Variants in HTRA1 observed in about 807,000 individuals in gnomAD.
The protein encoded by HTRA1 is serine protease HTRA1.
Under a neutral mutation model 49.7 loss-of-function variants are expected in HTRA1, and 26 were observed. The observed-to-expected ratio is 0.52, with a 90% CI of 0.38 to 0.73. HTRA1 has a LOEUF of 0.73. Among genes scored for constraint, HTRA1 ranks in the 30% least tolerant of loss-of-function variants. The probability of loss-of-function intolerance (pLI) is 0.00; values close to 1 mark genes in which losing one functional copy is unlikely to be tolerated. For missense variants in HTRA1, 561 were observed against 667.2 expected (o/e 0.84, Z 1.75); for synonymous variants, 291 against 286.9 (o/e 1.01, Z -0.14).
chr10:122,507,501 G>A (rs749106195), intron 5 of HTRA1, 99 bp downstream of exon 5: 98 of 951,868 alleles, frequency 1.0e-4, no homozygotes, highest in Non-Finnish European at 1.6e-4. Flanking sequence ...TGAGGCAGGG[G>A]GTCTTTTCAA....
intron 1 of HTRA1, among the ~76,000 whole-genome samples, chr10:122,468,525 G>A (rs1248297484): frequency 6.6e-6 from 1 of 151,950 alleles, no homozygotes; most frequent in Non-Finnish European, 1.5e-5. Flanking sequence ...GTGGGTGGGT[G>A]GGTTAGGAAA....
At chr10:122,507,312 A>G in intron 4 of HTRA1, 58 bp from the exon 5 acceptor site, 1 of 1,429,264 alleles carries the variant, frequency 7.0e-7, no homozygotes, top group Non-Finnish European at 9.9e-7. Context: ...AGGCAGGGAC[A>G]TAGATTGAAC....
Position 122,461,755 on chromosome 10 carries a change from G to T in HTRA1, c.103G>T (p.Ala35Ser), listed in dbSNP as rs1328219271. ...GGCCGGCCGCTCGGCGCCTTTGGCC[G>T]CCGGGTGCCCAGACCGCTGCGAGCC... ...SRAGRSAPLAAGCPDRCEPAR... is the reference protein window; with the variant it reads ...SRAGRSAPLASGCPDRCEPAR... Residue 35 changes from alanine to serine, a missense_variant, in exon 1 of 9, where the codon GCC (alanine) becomes TCC (serine). Transcript: ENST00000368984. 6.3e-6 allele frequency: 7 copies of T among 1,112,576 alleles called. No individual in the cohort carries two copies. The highest frequency in any genetic ancestry group is 7.7e-6 in the Non-Finnish European group (7 of 909,754). The allele number at this position is 1,112,576 out of a possible 1,614,324, so 68.9% of individuals were successfully genotyped here.
At position 122,494,824 on chromosome 10, in the gene HTRA1, A is replaced by G. The variant is rs2097497839; in HGVS notation, c.777+5198A>G. ...GACACCCCTGATCCTCATCAAGTTC[A>G]GACGGGGGTCACTGCGGGTGAGGGG... On this transcript the variant is annotated intron_variant, in intron 3 of 8. Coordinates refer to ENST00000368984, the MANE Select transcript of HTRA1 (RefSeq NM_002775.5). This position sits in a 1 kb window ranked among gnomAD's most constrained non-coding sequence, Gnocchi z 4.0. 6.6e-6 allele frequency among the ~76,000 whole-genome samples: 1 copy of G among 152,278 alleles called. No homozygotes were observed. The highest frequency in any genetic ancestry group is 2.4e-5 in the African/African-American group (1 of 41,562).
intron 1 of HTRA1, among the ~76,000 whole-genome samples, chr10:122,462,629 TG>T (rs904558016): frequency 6.6e-6 from 1 of 152,242 alleles, no homozygotes; most frequent in Non-Finnish European, 1.5e-5. Flanking sequence ...GTAACTCTTT[TG>T]GAAAGGAACA....
intron 3 of HTRA1, among the ~76,000 whole-genome samples, chr10:122,493,160 C>T (rs929894281): frequency 6.6e-6 from 1 of 152,148 alleles, no homozygotes; most frequent in African/African-American, 2.4e-5. Context: ...GAGACAATCA[C>T]GGACCAGCCC....
At chr10:122,511,696 G>A (rs139001824) in intron 7 of HTRA1, among the ~76,000 whole-genome samples, 3,906 of 150,106 alleles carry the variant, frequency 0.026, 58 homozygotes, top group Middle Eastern at 0.048. Context: ...TCGTACCACT[G>A]CACTCCAGCC....
intron 7 of HTRA1, among the ~76,000 whole-genome samples, chr10:122,511,561 G>A (rs1354590036): frequency 1.3e-5 from 2 of 151,952 alleles, no homozygotes; most frequent in Non-Finnish European, 2.9e-5. Context: ...GTGAAACCCT[G>A]TTTCTACTAA....
At chr10:122,474,501 C>T (rs891669183) in intron 1 of HTRA1, among the ~76,000 whole-genome samples, 3 of 152,158 alleles carry the variant, frequency 2.0e-5, no homozygotes, top group African/African-American at 4.8e-5. Flanking sequence ...AGACTCAACC[C>T]GGGTGGGCAC....
rs1591040280 is a variant in HTRA1 at position 122,507,013 on chromosome 10, G to A, written c.972+128G>A. On this transcript the variant is annotated intron_variant, in intron 4 of 8. Coordinates refer to ENST00000368984, the MANE Select transcript of HTRA1 (RefSeq NM_002775.5). ...AAGGGATGGAACTAGACCAAGCCAT[G>A]TGGATTCTAGTGCCAGCAGCATGGC... 1.4e-5 allele frequency: 12 copies of A among 835,662 alleles called. No individual in the cohort carries two copies. The East Asian group carries it at 3.2e-4, about 22-fold the overall frequency. 51.8% of individuals were successfully genotyped at this position (835,662 alleles called of 1,614,324 possible). A position where few individuals can be genotyped will look rare whatever the true frequency, so the allele number is the denominator to read the frequency against.
chr10:122,492,557 C>T (rs2097496366), intron 3 of HTRA1, among the ~76,000 whole-genome samples: 1 of 152,178 alleles, frequency 6.6e-6, no homozygotes. Context: ...TGGTCTCAAA[C>T]TCCTGACCTC....
rs2097493791 is a variant in HTRA1, at chr10:122,487,933, A to G, written c.473-969A>G. ...AGGTATAAAGCATTACAGTTGTTTG[A>G]TTTTTCTCTTTTTCTCACCCACAGT... On this transcript the variant is annotated intron_variant, in intron 1 of 8. Transcript: ENST00000368984. The surrounding 1 kb of genome is among the most constrained non-coding windows in gnomAD (Gnocchi z 4.8). Among the ~76,000 whole-genome samples the G allele has an allele frequency of 6.6e-6, 1 of 152,038 alleles. No individual in the cohort carries two copies. Among genetic ancestry groups the G allele is most frequent in the African/African-American group, 2.4e-5 (1 of 41,388 alleles).
At chr10:122,488,835 C>G in intron 1 of HTRA1, 67 bp from the exon 2 acceptor site, 1 of 1,267,362 alleles carries the variant, frequency 7.9e-7, no homozygotes, top group Non-Finnish European at 1.2e-6. Context: ...TTCCTCTAAC[C>G]CATGTCTTTC....
intron 1 of HTRA1, among the ~76,000 whole-genome samples, chr10:122,466,884 T>C (rs906919817): frequency 1.3e-5 from 2 of 152,130 alleles, no homozygotes; most frequent in African/African-American, 4.8e-5. Flanking sequence ...GCTGCCTTCT[T>C]TTATTGCTCT....
At chr10:122,497,035 A>C (rs1030598775) in intron 3 of HTRA1, among the ~76,000 whole-genome samples, 1 of 152,218 alleles carries the variant, frequency 6.6e-6, no homozygotes, top group Admixed American at 6.5e-5. Context: ...GCATTGATGC[A>C]GTTCCGTAGC....
rs1277061778 is a variant in HTRA1, at chr10:122,506,298, G to A, written c.778-393G>A. ...CTTCCCTGGGGCTTGGTTCTCTAGGGCCATCCCCAGCAGTCTCACCCCAAA... is the reference window on the plus strand; with the variant it reads ...CTTCCCTGGGGCTTGGTTCTCTAGGACCATCCCCAGCAGTCTCACCCCAAA... On this transcript the variant is annotated intron_variant, in intron 3 of 8. Transcript: ENST00000368984. This position sits in a 1 kb window ranked among gnomAD's most constrained non-coding sequence, Gnocchi z 5.2. 6.6e-6 allele frequency among the ~76,000 whole-genome samples: 1 copy of A among 152,130 alleles called. No homozygotes were observed. Among genetic ancestry groups the A allele is most frequent in the Non-Finnish European group, 1.5e-5 (1 of 68,012 alleles).
intron 1 of HTRA1, among the ~76,000 whole-genome samples, chr10:122,467,172 C>G (rs1377122848): frequency 1.3e-5 from 2 of 152,168 alleles, no homozygotes; most frequent in African/African-American, 4.8e-5. Flanking sequence ...ATCAGACTTT[C>G]CATGAGCTTA....
At chr10:122,482,038 T>C (rs964696542) in intron 1 of HTRA1, among the ~76,000 whole-genome samples, 1 of 152,196 alleles carries the variant, frequency 6.6e-6, no homozygotes, top group Non-Finnish European at 1.5e-5. Context: ...CAGTCATTTT[T>C]TCATGGTCCC....
At chr10:122,480,318 A>C (rs1426689667) in intron 1 of HTRA1, among the ~76,000 whole-genome samples, 1 of 149,972 alleles carries the variant, frequency 6.7e-6, no homozygotes, top group Non-Finnish European at 1.5e-5. Context: ...TGCGTTTGTG[A>C]ACCCCAGTTG....
Sources: allele counts gnomAD v4.1 joint callset (sites outside exome capture counted in the v4.1 genomes callset), GRCh38; gene constraint gnomAD v4.1.1; non-coding constraint Gnocchi (gnomAD v3.1); transcripts MANE v1.5; gene names NCBI Gene and HGNC (gene_info 2026-07-23, HGNC 2026-07-21).